TMEM177: variants seen among roughly 807,000 people sequenced by gnomAD.
TMEM177 encodes the protein transmembrane protein 177.
In TMEM177, 4 loss-of-function variants were observed where a neutral mutation model predicts 14.2. That is an observed-to-expected ratio of 0.28 (90% CI 0.14 to 0.64). The LOEUF (loss-of-function observed/expected upper bound fraction) is 0.64. TMEM177 is among the 30% of genes least tolerant of loss of function. The pLI is 0.82. For missense variants in TMEM177, 344 were observed against 405.2 expected (o/e 0.85, Z 1.30); for synonymous variants, 179 against 174.5 (o/e 1.03, Z -0.20).
At chr2:119,700,947 A>G in the TMEM177 span, among the ~76,000 whole-genome samples, 2 of 152,200 alleles carry the variant, frequency 1.3e-5, no homozygotes, top group Non-Finnish European at 2.9e-5. Flanking sequence ...CCGCGATCAC[A>G]GGGAGGACGC....
the TMEM177 span, among the ~76,000 whole-genome samples, chr2:119,705,725 T>C: frequency 6.6e-6 from 1 of 150,928 alleles, no homozygotes; most frequent in South Asian, 2.1e-4. Flanking sequence ...GGCCAGGCCA[T>C]ATTCTGTTGA....
the TMEM177 span, among the ~76,000 whole-genome samples, chr2:119,713,068 G>T: frequency 7.4e-6 from 1 of 135,790 alleles, no homozygotes. Context: ...TATGATAATG[G>T]TTTTCTTTTT....
the TMEM177 span, among the ~76,000 whole-genome samples, chr2:119,701,158 G>A: frequency 4.6e-5 from 7 of 152,116 alleles, no homozygotes; most frequent in African/African-American, 1.4e-4. Context: ...CCTATTTAAG[G>A]TGCTGTGTCC....
At chr2:119,719,398 C>T in the TMEM177 span, among the ~76,000 whole-genome samples, 2 of 152,168 alleles carry the variant, frequency 1.3e-5, no homozygotes, top group Non-Finnish European at 2.9e-5. Context: ...TCCCCAAGGC[C>T]AGGGGCTCAA....
At chr2:119,693,800 A>G in the TMEM177 span, among the ~76,000 whole-genome samples, 2 of 114,792 alleles carry the variant, frequency 1.7e-5, no homozygotes, top group Admixed American at 9.7e-5. Context: ...CAGAAGACAC[A>G]CATACACATC....
At chr2:119,711,618 C>T in the TMEM177 span, among the ~76,000 whole-genome samples, 1 of 152,186 alleles carries the variant, frequency 6.6e-6, no homozygotes, top group Non-Finnish European at 1.5e-5. Flanking sequence ...CCTTCTGAGG[C>T]TGTCTTCCTT....
chr2:119,709,954 A>G, the TMEM177 span, among the ~76,000 whole-genome samples: 40 of 152,306 alleles, frequency 2.6e-4, no homozygotes, highest in African/African-American at 9.6e-4. Context: ...ACCCATAGAG[A>G]TGGAGAGCAG....
At chr2:119,685,337 T>G (rs1457918012), downstream of TMEM177, among the ~76,000 whole-genome samples, 3 of 151,016 alleles carry the variant, frequency 2.0e-5, no homozygotes, top group African/African-American at 7.3e-5. Context: ...TGCTCTTCAC[T>G]GACCCTCCTA....
At chr2:119,712,980 A>G in the TMEM177 span, among the ~76,000 whole-genome samples, 2 of 152,250 alleles carry the variant, frequency 1.3e-5, no homozygotes, top group Non-Finnish European at 2.9e-5. Flanking sequence ...AAGAACACAC[A>G]AAACAATGCT....
At position 119,681,261 on chromosome 2, in the gene TMEM177, C is replaced by T. The variant is rs770696647; in HGVS notation, c.408C>T (p.Gly136=). The T allele has an allele frequency of 9.9e-6, 16 of 1,614,242 alleles. No individual in the cohort carries two copies. The highest frequency in any genetic ancestry group is 1.4e-5 in the Non-Finnish European group (16 of 1,180,044). Residue 136 remains glycine (G), a synonymous_variant, in exon 2 of 2, where the codon GGC becomes GGT. Transcript: ENST00000272521. ...CAGTGGACTGGCGGAGCCCAGCAGG[C>T]GCCCGGCTGAGAGCTTCCCTGACCT... The part of the protein sequence containing the change: ...GHTVDWRSPA[G]ARLRASLTLS...
At chr2:119,694,244 C>G in the TMEM177 span, among the ~76,000 whole-genome samples, 1 of 144,768 alleles carries the variant, frequency 6.9e-6, no homozygotes, top group Non-Finnish European at 1.5e-5. Flanking sequence ...ATCACACTTA[C>G]CACACATGTG....
chr2:119,688,396 G>A (rs1464025433), downstream of TMEM177, among the ~76,000 whole-genome samples: 4 of 152,120 alleles, frequency 2.6e-5, no homozygotes, highest in Non-Finnish European at 5.9e-5. Context: ...GCCTTGGAAG[G>A]CAATTCCATC....
the TMEM177 span, among the ~76,000 whole-genome samples, chr2:119,702,996 C>G: frequency 6.6e-6 from 1 of 152,328 alleles, no homozygotes; most frequent in Admixed American, 6.5e-5. Context: ...CACTGTTTCC[C>G]GCAGATGCCC....
At chr2:119,685,974 T>C (rs934498869), downstream of TMEM177, 111 of 469,366 alleles carry the variant, frequency 2.4e-4, 1 homozygote, top group African/African-American at 1.8e-3. Context: ...GCCTACCATG[T>C]TTAGTGCAGC....
chr2:119,705,702 A>G, the TMEM177 span, among the ~76,000 whole-genome samples: 31 of 151,192 alleles, frequency 2.1e-4, no homozygotes, highest in Non-Finnish European at 4.3e-4. Flanking sequence ...AGGGAGTGAC[A>G]GTCCATCACA....
At chr2:119,682,765 C>T (rs184577478), downstream of TMEM177, among the ~76,000 whole-genome samples, 4 of 152,306 alleles carry the variant, frequency 2.6e-5, no homozygotes, top group South Asian at 2.1e-4. Flanking sequence ...CCAGGCACAG[C>T]GTGGCCAGGG....
the TMEM177 span, among the ~76,000 whole-genome samples, chr2:119,706,892 TTTTA>T: frequency 1.3e-5 from 2 of 151,522 alleles, no homozygotes; most frequent in African/African-American, 2.4e-5. Flanking sequence ...TGCCTTTTTA[TTTTA>T]TTTATTTATT....
At chr2:119,686,586 C>G (rs1199020749), downstream of TMEM177, 1 of 152,204 alleles carries the variant, frequency 6.6e-6, no homozygotes, top group Admixed American at 6.6e-5. Flanking sequence ...GAATGTTTTT[C>G]TTTTTCTTTC....
the TMEM177 span, among the ~76,000 whole-genome samples, chr2:119,701,428 G>A: frequency 3.9e-5 from 6 of 152,182 alleles, no homozygotes; most frequent in Non-Finnish European, 5.9e-5. Flanking sequence ...TGGCAGGACC[G>A]CGAGTGGGTT....
Sources: allele counts gnomAD v4.1 joint callset (sites outside exome capture counted in the v4.1 genomes callset), GRCh38; gene constraint gnomAD v4.1.1; transcripts MANE v1.5; gene names NCBI Gene and HGNC (gene_info 2026-07-23, HGNC 2026-07-21).